CA10: variants seen among roughly 807,000 people sequenced by gnomAD.
The protein encoded by CA10 is carbonic anhydrase-related protein 10.
A neutral mutation model predicts 44.2 loss-of-function variants in CA10; 14 were observed. That is an observed-to-expected ratio of 0.32 (90% CI 0.21 to 0.50). CA10 has a LOEUF of 0.50. Among genes scored for constraint, CA10 ranks in the 20% least tolerant of loss-of-function variants. CA10 has a pLI of 0.99. For missense variants in CA10, 350 were observed against 409.7 expected, an observed-to-expected ratio of 0.85 and a Z score of 1.26; for synonymous variants, 159 against 141.6, an observed-to-expected ratio of 1.12 and a Z score of -0.87.
At chr17:52,087,401 C>A (rs1988146688) in intron 1 of CA10, among the ~76,000 whole-genome samples, 1 of 152,208 alleles carries the variant, frequency 6.6e-6, no homozygotes, top group Non-Finnish European at 1.5e-5. Context: ...CTTGGCCTCC[C>A]AAAGTGCTGG....
chr17:51,943,945 C>T (rs1178263797), intron 2 of CA10, among the ~76,000 whole-genome samples: 1 of 152,108 alleles, frequency 6.6e-6, no homozygotes, highest in African/African-American at 2.4e-5. Context: ...TCCTGCCCTG[C>T]CCCTTGAGAG....
chr17:51,739,751 G>T (rs1450188322), intron 4 of CA10, among the ~76,000 whole-genome samples: 1 of 152,168 alleles, frequency 6.6e-6, no homozygotes, highest in African/African-American at 2.4e-5. Context: ...GTCATCATAT[G>T]CTTGCTGGTA....
chr17:51,708,320 G>A (rs1915823157), intron 4 of CA10, among the ~76,000 whole-genome samples: 2 of 152,342 alleles, frequency 1.3e-5, no homozygotes, highest in African/African-American at 4.8e-5. Flanking sequence ...CACAGGGAAG[G>A]AGAGGCACTG....
At chr17:51,894,778 G>A (rs1285263625) in intron 3 of CA10, among the ~76,000 whole-genome samples, 1 of 151,946 alleles carries the variant, frequency 6.6e-6, no homozygotes, top group African/African-American at 2.4e-5. Context: ...AGCAGCAATA[G>A]GAAACTAATA....
intron 2 of CA10, among the ~76,000 whole-genome samples, chr17:52,040,653 A>G (rs989316840): frequency 2.0e-5 from 3 of 152,096 alleles, no homozygotes; most frequent in Non-Finnish European, 4.4e-5. Context: ...CATCATCTGA[A>G]AAAAATGTTT....
intron 3 of CA10, among the ~76,000 whole-genome samples, chr17:51,930,380 A>C (rs577858510): frequency 2.8e-4 from 42 of 152,234 alleles, no homozygotes; most frequent in African/African-American, 9.4e-4. Context: ...CCCAATGGGC[A>C]CTTGTGCCCT....
intron 4 of CA10, among the ~76,000 whole-genome samples, chr17:51,702,554 G>A (rs1915637044): frequency 6.6e-6 from 1 of 152,232 alleles, no homozygotes; most frequent in African/African-American, 2.4e-5. Context: ...AGGAGGTGCT[G>A]TGTGATGGTG....
At chr17:51,831,733 A>AGCAGCCGCCGCCGCCGC in intron 3 of CA10, among the ~76,000 whole-genome samples, 1 of 121,580 alleles carries the variant, frequency 8.2e-6, no homozygotes, top group African/African-American at 4.1e-5. Flanking sequence ...GCAGCAGCAG[A>AGCAGCCGCCGCCGCCGC]AAAAGACCTT....
chr17:51,728,297 T>G (rs531485541), intron 4 of CA10, among the ~76,000 whole-genome samples: 97 of 152,300 alleles, frequency 6.4e-4, no homozygotes, highest in Non-Finnish European at 1.3e-3. Context: ...TTTTTTTTTA[T>G]TGAAACTAAG....
rs199549287 is a variant in CA10 at position 51,715,415 on chromosome 17, TA to T, written c.465+32217del. ...ATTTGGGGAGAAGCTTCCAAGTAAT[TA>T]AAAAAATTTTTCCTTTTTAAAAATT... On this transcript the variant is annotated intron_variant, in intron 4 of 8. Coordinates refer to ENST00000451037, the MANE Select transcript of CA10 (RefSeq NM_020178.5). Among the ~76,000 whole-genome samples the T allele has an allele frequency of 6.9e-3, 1,044 of 152,164 alleles. 17 individuals are homozygous for T. The highest frequency in any genetic ancestry group is 0.024 in the African/African-American group (987 of 41,500).
At chr17:51,841,024 A>C (rs1180010302) in intron 3 of CA10, among the ~76,000 whole-genome samples, 1 of 152,162 alleles carries the variant, frequency 6.6e-6, no homozygotes, top group Non-Finnish European at 1.5e-5. Flanking sequence ...GAGTAGGGAG[A>C]GATGGTAACG....
rs1916181880 is a variant in CA10, at chr17:51,717,716, T to TGC, written c.465+29916_465+29917insGC. On this transcript the variant is annotated intron_variant, in intron 4 of 8. Transcript: ENST00000451037. ...ATATATGCATGTATATATACATATA[T>TGC]ACGTATATATACATATATACGTATA... Among the ~76,000 whole-genome samples the TGC allele has an allele frequency of 3.1e-3, 97 of 31,718 alleles. 9 individuals carry two copies. Among genetic ancestry groups the TGC allele is most frequent in the African/African-American group, 5.9e-3 (73 of 12,330 alleles). 20.8% of individuals were successfully genotyped at this position (31,718 alleles called of 152,430 possible). A position where few individuals can be genotyped will look rare whatever the true frequency, so the allele number is the denominator to read the frequency against.
chr17:51,984,146 T>A (rs1470923426), intron 2 of CA10, among the ~76,000 whole-genome samples: 2 of 151,732 alleles, frequency 1.3e-5, no homozygotes, highest in Non-Finnish European at 2.9e-5. Context: ...GAAATGTGCA[T>A]CTATAATTCT....
chr17:51,868,885 T>C lies in CA10; in HGVS notation c.279+62105A>G, dbSNP rs201688057. 9.8e-5 allele frequency among the ~76,000 whole-genome samples: 13 copies of C among 132,304 alleles called. No individual in the cohort carries two copies. The East Asian group carries it at 2.6e-3, about 26-fold the overall frequency. The allele number at this position is 132,304 out of a possible 152,430, so 86.8% of individuals were successfully genotyped here. On this transcript the variant is annotated intron_variant, in intron 3 of 8. Coordinates refer to ENST00000451037, the MANE Select transcript of CA10 (RefSeq NM_020178.5). ...TCAAGTTAGCTATGAAGCCAAAAGT[T>C]TTTTTGTTTTTTTTTTTTTACAAAA...
chr17:52,154,177 A>C (rs1989758002), intron 1 of CA10, among the ~76,000 whole-genome samples: 1 of 152,216 alleles, frequency 6.6e-6, no homozygotes, highest in Non-Finnish European at 1.5e-5. Context: ...CATCAAAATA[A>C]AAAATATTAA....
At chr17:51,825,563 T>C (rs1273960968) in intron 3 of CA10, among the ~76,000 whole-genome samples, 2 of 152,220 alleles carry the variant, frequency 1.3e-5, no homozygotes, top group Admixed American at 1.3e-4. Flanking sequence ...TTAACCCAGT[T>C]AGTCTGACTT....
At chr17:52,026,481 G>A (rs1023867346) in intron 2 of CA10, among the ~76,000 whole-genome samples, 3 of 152,158 alleles carry the variant, frequency 2.0e-5, no homozygotes, top group South Asian at 2.1e-4. Flanking sequence ...CTAGAGCAGC[G>A]GTTCCCAACT....
chr17:52,102,896 A>T (rs1019784788), intron 1 of CA10, among the ~76,000 whole-genome samples: 3 of 152,158 alleles, frequency 2.0e-5, no homozygotes, highest in Non-Finnish European at 2.9e-5. Flanking sequence ...CATCCCACAT[A>T]TATTCTTATG....
chr17:51,884,604 C>G (rs7217610), intron 3 of CA10, among the ~76,000 whole-genome samples: 17,098 of 152,166 alleles, frequency 0.11, 1,316 homozygotes, highest in African/African-American at 0.23. Context: ...TATTTCCGAA[C>G]CTTTTCAGCA....
Sources: allele counts gnomAD v4.1 joint callset (sites outside exome capture counted in the v4.1 genomes callset), GRCh38; gene constraint gnomAD v4.1.1; transcripts MANE v1.5; gene names NCBI Gene and HGNC (gene_info 2026-07-23, HGNC 2026-07-21).